KIAA1614: variants seen among roughly 807,000 people sequenced by gnomAD.
KIAA1614 encodes the protein KIAA1614, also known as uncharacterized protein KIAA1614.
KIAA1614 carries 76 observed loss-of-function variants against 88.7 expected under a neutral mutation model. That is an observed-to-expected ratio of 0.86 (90% confidence interval 0.71 to 1.04). KIAA1614 has a LOEUF of 1.04. Ranked by LOEUF, KIAA1614 falls within the 50% of genes least tolerant of loss-of-function variation. The probability of loss-of-function intolerance (pLI) is 0.00; values close to 1 mark genes in which losing one functional copy is unlikely to be tolerated. For missense variants in KIAA1614, 1,553 were observed against 1,582.5 expected (o/e 0.98, Z 0.32); for synonymous variants, 714 against 675.5 (o/e 1.06, Z -0.88).
chr1:180,937,779 G>A (rs921192860), intron 5 of KIAA1614, among the ~76,000 whole-genome samples: 7 of 152,124 alleles, frequency 4.6e-5, no homozygotes, highest in African/African-American at 1.4e-4. Flanking sequence ...TGAGGCAACC[G>A]CCTCCCCCTG....
At chr1:180,918,261 T>C (rs571218530) in intron 3 of KIAA1614, among the ~76,000 whole-genome samples, 1 of 152,232 alleles carries the variant, frequency 6.6e-6, no homozygotes, top group African/African-American at 2.4e-5. Context: ...CACAGGACCA[T>C]TGTGAGGCCG....
chr1:180,916,524 G>T lies in KIAA1614; in HGVS notation c.421G>T (p.Ala141Ser), dbSNP rs920236683. The change falls in exon 2 of 9, where the codon GCT becomes TCT. Residue 141 changes from alanine (A) to serine (S), a missense_variant. By Grantham distance (99) the Ala-to-Ser change is moderately conservative (BLOSUM62 1). Transcript: ENST00000367588. ...EGSFLPGAVV[A>S]PRTQNLPDGQ... ...GTCTTTCCTGCCAGGTGCTGTGGTG[G>T]CTCCTCGTACCCAAAACCTGCCTGA... The T allele has an allele frequency of 3.1e-6, 5 of 1,613,936 alleles. No individual in the cohort carries two copies. The highest frequency in any genetic ancestry group is 4.2e-6 in the Non-Finnish European group (5 of 1,179,988).
chr1:180,925,134 G>A (rs1214683595), intron 3 of KIAA1614, among the ~76,000 whole-genome samples: 1 of 152,136 alleles, frequency 6.6e-6, no homozygotes, highest in African/African-American at 2.4e-5. Context: ...CGCCACTCTA[G>A]GCTGTGTCCT....
chr1:180,950,500 C>T lies in KIAA1614; in HGVS notation c.*4912C>T, dbSNP rs1381573684. The T allele has an allele frequency of 8.9e-7, 1 of 1,128,978 alleles. No homozygotes were observed. Among genetic ancestry groups the T allele is most frequent in the Non-Finnish European group, 1.1e-6 (1 of 907,924 alleles). 69.9% of individuals were successfully genotyped at this position (1,128,978 alleles called of 1,614,324 possible). A position where few individuals can be genotyped will look rare whatever the true frequency, so the allele number is the denominator to read the frequency against. ...TGGCCCACTCAGAGAGCTTGTCAATCCGTGTCCTGAGGCAGAGACCTGTCC... is the reference window on the plus strand; with the variant it reads ...TGGCCCACTCAGAGAGCTTGTCAATTCGTGTCCTGAGGCAGAGACCTGTCC... On this transcript the variant is annotated 3_prime_UTR_variant, in exon 9 of 9. Coordinates refer to ENST00000367588, the MANE Select transcript of KIAA1614 (RefSeq NM_020950.2).
At chr1:180,938,792 G>T in intron 6 of KIAA1614, 81 bp downstream of exon 6, 1 of 1,411,042 alleles carries the variant, frequency 7.1e-7, no homozygotes. Flanking sequence ...CCCCTGGAGT[G>T]GTGGCATGAC....
At position 180,935,408 on chromosome 1, in the gene KIAA1614, G is replaced by T. The variant is rs1654302433; in HGVS notation, c.1499G>T (p.Gly500Val). ...CCCGACCTCGCCGACTACATCAACG[G>T]GGCTCCCCGGCTCCGGGACGCGGGG... ...SKPDLADYIN[G>V]APRLRDAGQG... The change falls in exon 5 of 9, where the codon GGG (glycine) becomes GTG (valine). Residue 500 changes from glycine (G) to valine (V), a missense_variant. Physicochemically the swap from Gly to Val is moderately radical, Grantham distance 109. Transcript: ENST00000367588. The surrounding 1 kb of genome is among the most constrained non-coding windows in gnomAD (Gnocchi z 6.1). 6.8e-7 allele frequency: 1 copy of T among 1,473,506 alleles called. No individual in the cohort carries two copies. The highest frequency in any genetic ancestry group is 8.9e-7 in the Non-Finnish European group (1 of 1,118,856). 91.3% of individuals were successfully genotyped at this position (1,473,506 alleles called of 1,614,324 possible).
At chr1:180,919,809 T>C (rs1011271158) in intron 3 of KIAA1614, among the ~76,000 whole-genome samples, 2 of 152,136 alleles carry the variant, frequency 1.3e-5, no homozygotes, top group African/African-American at 4.8e-5. Context: ...TCCTCAGGAC[T>C]GGGGTTTCTG....
At chr1:180,945,110 G>C (rs1020962357) in intron 8 of KIAA1614, 193 bp from the exon 9 acceptor site, 8 of 568,212 alleles carry the variant, frequency 1.4e-5, no homozygotes, top group Middle Eastern at 4.5e-4. Flanking sequence ...GGCCTTGGGG[G>C]GCCTTGCACA....
At chr1:180,930,933 T>A (rs1467196313) in intron 4 of KIAA1614, among the ~76,000 whole-genome samples, 1 of 152,220 alleles carries the variant, frequency 6.6e-6, no homozygotes, top group Non-Finnish European at 1.5e-5. Context: ...AGGCCTCAGT[T>A]AGATGCAGGA....
rs1265212097 is a variant in KIAA1614, at chr1:180,917,499, AGGCTGGGCGTTCT to A, written c.998-351_998-339del. ...CAGACAGGAATCCCTTCCTAAAAGG[AGGCTGGGCGTTCT>A]AGCAGCTGGGCTGAGCTCAGACGGT... is the stretch of plus-strand genomic sequence containing the variant. On this transcript the variant is annotated intron_variant, in intron 2 of 8. Coordinates refer to ENST00000367588, the MANE Select transcript of KIAA1614 (RefSeq NM_020950.2). Among the ~76,000 whole-genome samples the A allele has an allele frequency of 2.0e-5, 3 of 151,952 alleles. No individual in the cohort carries two copies. The East Asian group carries it at 5.8e-4, about 29-fold the overall frequency.
rs774132007 is a variant in KIAA1614, at chr1:180,936,115, C to A, written c.2206C>A (p.Pro736Thr). 16 of 1,614,030 alleles carry A rather than the reference C, an allele frequency of 9.9e-6. No homozygotes were observed. The highest frequency in any genetic ancestry group is 1.4e-5 in the Non-Finnish European group (16 of 1,180,020). ...AGGGCTGGGAAGTCACCAGCCTCACCCTTTGGATTCCCGGACTCCATGCAG... is the reference window on the plus strand; with the variant it reads ...AGGGCTGGGAAGTCACCAGCCTCACACTTTGGATTCCCGGACTCCATGCAG... The part of the protein sequence containing the change: ...GPGLGSHQPH[P>T]LDSRTPCRTA... The change falls in exon 5 of 9, where the codon CCT (proline) becomes ACT (threonine). Residue 736 changes from proline (P) to threonine (T), a missense_variant. By Grantham distance (38) the Pro-to-Thr change is conservative. Transcript: ENST00000367588.
intron 7 of KIAA1614, 72 bp downstream of exon 7, chr1:180,941,357 A>G: frequency 6.6e-7 from 1 of 1,520,134 alleles, no homozygotes; most frequent in African/African-American, 1.4e-5. Flanking sequence ...GAAAAGTGAA[A>G]GGAGGGAGGA....
intron 4 of KIAA1614, among the ~76,000 whole-genome samples, chr1:180,931,407 CAT>C (rs1558068512): frequency 6.6e-6 from 1 of 152,196 alleles, no homozygotes; most frequent in African/African-American, 2.4e-5. Flanking sequence ...CCTGTGAAGC[CAT>C]ATGTCTCCAG....
At chr1:180,944,984 G>C (rs912492403) in intron 8 of KIAA1614, 5 of 370,860 alleles carry the variant, frequency 1.3e-5, no homozygotes, top group Non-Finnish European at 2.4e-5. Context: ...GTGTATGTTA[G>C]CTCCTGGAAA....
chr1:180,917,770 TCTC>T (rs747087608), intron 2 of KIAA1614, 78 bp from the exon 3 acceptor site: 26 of 1,137,998 alleles, frequency 2.3e-5, no homozygotes, highest in African/African-American at 3.0e-5. Flanking sequence ...GAGAAACTCT[TCTC>T]CTCAGTGTTC....
At chr1:180,940,628 TTC>T (rs1477134747) in intron 6 of KIAA1614, among the ~76,000 whole-genome samples, 5 of 152,136 alleles carry the variant, frequency 3.3e-5, no homozygotes, top group Non-Finnish European at 7.4e-5. Flanking sequence ...AGTCTTTTTT[TTC>T]TTTCTTTTCT....
Position 180,913,083 on chromosome 1 carries a change from C to A in KIAA1614, c.-161C>A. ...CAGCAGAGCCGGGAGCTGGCCCGGC[C>A]TCGGCGCCGTCCCGGACCCCCAGTC... On this transcript the variant is annotated 5_prime_UTR_variant, in exon 1 of 9. Coordinates refer to ENST00000367588, the MANE Select transcript of KIAA1614 (RefSeq NM_020950.2). 4.8e-6 allele frequency: 2 copies of A among 420,348 alleles called. No individual in the cohort carries two copies. Among genetic ancestry groups the A allele is most frequent in the Non-Finnish European group, 7.8e-6 (2 of 257,986 alleles). 26.0% of individuals were successfully genotyped at this position (420,348 alleles called of 1,614,324 possible).
At chr1:180,942,425 T>A (rs921695426) in intron 7 of KIAA1614, among the ~76,000 whole-genome samples, 1 of 152,148 alleles carries the variant, frequency 6.6e-6, no homozygotes, top group African/African-American at 2.4e-5. Context: ...GTGAAGCAGG[T>A]GAGAGCGGTT....
intron 3 of KIAA1614, among the ~76,000 whole-genome samples, chr1:180,921,720 A>T (rs1407213912): frequency 6.6e-6 from 1 of 152,182 alleles, no homozygotes; most frequent in African/African-American, 2.4e-5. Context: ...CTCCTAGGTC[A>T]CTATTAGGAT....
Sources: allele counts gnomAD v4.1 joint callset (sites outside exome capture counted in the v4.1 genomes callset), GRCh38; gene constraint gnomAD v4.1.1; non-coding constraint Gnocchi (gnomAD v3.1); transcripts MANE v1.5; gene names NCBI Gene and HGNC (gene_info 2026-07-23, HGNC 2026-07-21).